Variants in NCKAP5 observed in about 807,000 individuals in gnomAD.
NCKAP5 encodes NCK associated protein 5, also known as nck-associated protein 5.
NCKAP5 carries 92 observed loss-of-function variants against 167.0 expected under a neutral mutation model. The ratio of observed to expected loss-of-function variants is 0.55; its 90% CI spans 0.47 to 0.66. The LOEUF (loss-of-function observed/expected upper bound fraction) is 0.66. NCKAP5 is among the 30% of genes least tolerant of loss of function. The pLI, the probability that NCKAP5 is intolerant of heterozygous loss-of-function variation, is 0.00. For missense variants in NCKAP5, 2,378 were observed against 2,315.0 expected (o/e 1.03, Z -0.56); for synonymous variants, 891 against 877.4 (o/e 1.02, Z -0.27).
chr2:133,111,379 A>G lies in NCKAP5; in HGVS notation c.341+18599T>C, dbSNP rs146643189. ...CTAATTACTATAACTGTGCATCTCA[A>G]TGATCAGCCAACAAGCACTACTGAC... On this transcript the variant is annotated intron_variant, in intron 6 of 19. Coordinates refer to ENST00000409261, the MANE Select transcript of NCKAP5 (RefSeq NM_207363.3). Among the ~76,000 whole-genome samples, 241 of 152,340 alleles carry G rather than the reference A, an allele frequency of 1.6e-3. 1 individual carries two copies. The highest frequency in any genetic ancestry group is 6.8e-3 in the Middle Eastern group (2 of 294).
chr2:133,594,404 G>T, the NCKAP5 span, among the ~76,000 whole-genome samples: 4 of 152,084 alleles, frequency 2.6e-5, no homozygotes, highest in Non-Finnish European at 5.9e-5. Context: ...GCCACCATGA[G>T]GATACACAGC....
intron 3 of NCKAP5, among the ~76,000 whole-genome samples, chr2:133,465,306 A>AT (rs992131231): frequency 2.0e-5 from 3 of 151,688 alleles, no homozygotes; most frequent in African/African-American, 7.3e-5. Flanking sequence ...ATGATTTCCC[A>AT]TTTTATCCAT....
chr2:133,226,685 C>A (rs1390319159), intron 4 of NCKAP5, among the ~76,000 whole-genome samples: 1 of 149,988 alleles, frequency 6.7e-6, no homozygotes, highest in African/African-American at 2.5e-5. Flanking sequence ...TGAGGTGACA[C>A]TTCTACAAGC....
chr2:133,061,202 G>C (rs2079989127), intron 6 of NCKAP5, among the ~76,000 whole-genome samples: 1 of 152,168 alleles, frequency 6.6e-6, no homozygotes, highest in Non-Finnish European at 1.5e-5. Context: ...AGAATTTAGA[G>C]TATTACATAA....
chr2:132,810,072 G>A (rs1162325424), intron 11 of NCKAP5, among the ~76,000 whole-genome samples: 1 of 152,130 alleles, frequency 6.6e-6, no homozygotes, highest in Non-Finnish European at 1.5e-5. Flanking sequence ...CAAAATTCTT[G>A]GCTGATAATT....
chr2:132,900,080 A>G (rs1693501061), intron 8 of NCKAP5, among the ~76,000 whole-genome samples: 1 of 152,214 alleles, frequency 6.6e-6, no homozygotes, highest in Admixed American at 6.6e-5. Flanking sequence ...CTCAGAACAC[A>G]TGCAACAGGT....
chr2:132,889,719 C>T (rs986217844), intron 8 of NCKAP5, among the ~76,000 whole-genome samples: 1 of 152,136 alleles, frequency 6.6e-6, no homozygotes, highest in African/African-American at 2.4e-5. Context: ...TCAAAAAGCA[C>T]ATTATTCAAC....
chr2:132,736,825 A>C (rs1041736671), intron 16 of NCKAP5, among the ~76,000 whole-genome samples: 4 of 151,972 alleles, frequency 2.6e-5, no homozygotes, highest in South Asian at 2.1e-4. Context: ...AACAAAAAAA[A>C]CCCCACAAAT....
intron 4 of NCKAP5, among the ~76,000 whole-genome samples, chr2:133,285,515 T>C (rs2150487614): frequency 6.6e-6 from 1 of 151,340 alleles, no homozygotes; most frequent in Middle Eastern, 3.4e-3. Flanking sequence ...AATAAACTTC[T>C]CAGGGATTTG....
chr2:132,982,234 T>C (rs2077163139), intron 7 of NCKAP5, among the ~76,000 whole-genome samples: 1 of 152,202 alleles, frequency 6.6e-6, no homozygotes, highest in African/African-American at 2.4e-5. Context: ...TAAATGAAAT[T>C]ATGTCTAAGG....
chr2:133,405,515 C>T lies in NCKAP5; in HGVS notation c.70-102405G>A, dbSNP rs554755632. The stretch of plus-strand genomic sequence containing the variant: ...ATAGTAAGCAAGTGAAACCAGAAGG[C>T]GGGGCATTGTCTTGTTCAATCTCAA... On this transcript the variant is annotated intron_variant, in intron 3 of 19. Coordinates refer to ENST00000409261, the MANE Select transcript of NCKAP5 (RefSeq NM_207363.3). Among the ~76,000 whole-genome samples the T allele has an allele frequency of 4.6e-5, 7 of 152,210 alleles. No individual in the cohort carries two copies. In the South Asian group the frequency reaches 8.3e-4, roughly 18 times the overall value.
intron 3 of NCKAP5, among the ~76,000 whole-genome samples, chr2:133,354,600 C>T (rs530354368): frequency 6.6e-6 from 1 of 152,316 alleles, no homozygotes; most frequent in Non-Finnish European, 1.5e-5. Context: ...TAACATCACC[C>T]AACTTATTAA....
At chr2:133,140,761 ATAAG>A (rs910101774) in intron 5 of NCKAP5, among the ~76,000 whole-genome samples, 4 of 148,948 alleles carry the variant, frequency 2.7e-5, no homozygotes, top group Non-Finnish European at 4.5e-5. Context: ...TATATTATAT[ATAAG>A]TAAGCTTGTT....
Position 132,672,072 on chromosome 2 carries a change from C to A in NCKAP5, c.*1217G>T, listed in dbSNP as rs1683816008. ...TCACATCTAGAAAAAATACACATAA[C>A]CTTTAAAATAGAATTTATCCTTACA... On this transcript the variant is annotated 3_prime_UTR_variant, in exon 20 of 20. Coordinates refer to ENST00000409261, the MANE Select transcript of NCKAP5 (RefSeq NM_207363.3). 1 of 152,358 alleles carries A rather than the reference C, an allele frequency of 6.6e-6. No individual in the cohort carries two copies. 9.4% of individuals were successfully genotyped at this position (152,358 alleles called of 1,614,324 possible). A position where few individuals can be genotyped will look rare whatever the true frequency, so the allele number is the denominator to read the frequency against.
At position 132,785,628 on chromosome 2, in the gene NCKAP5, G is replaced by A. The variant is rs763642247; in HGVS notation, c.1183C>T (p.Arg395Cys). 5.8e-6 allele frequency: 9 copies of A among 1,552,732 alleles called. No homozygotes were observed. The highest frequency in any genetic ancestry group is 4.5e-5 in the East Asian group (2 of 44,434). Reference protein sequence around the residue: ...ASPTNELPPTRIKESHILEGL... With the variant: ...ASPTNELPPTCIKESHILEGL... Reference sequence around the variant, plus strand: ...TCCAAAATGTGGCTTTCCTTGATACGAGTTGGAGGTAGTTCATTTGTAGGA... The same window carrying A: ...TCCAAAATGTGGCTTTCCTTGATACAAGTTGGAGGTAGTTCATTTGTAGGA... Residue 395 changes from arginine to cysteine, a missense_variant, in exon 14 of 20, where the codon CGT (arginine) becomes TGT (cysteine). Coordinates refer to ENST00000409261, the MANE Select transcript of NCKAP5 (RefSeq NM_207363.3).
intron 12 of NCKAP5, among the ~76,000 whole-genome samples, chr2:132,794,560 A>G (rs1256574378): frequency 6.6e-6 from 1 of 151,222 alleles, no homozygotes; most frequent in Non-Finnish European, 1.5e-5. Flanking sequence ...TGCTTGAATC[A>G]GGGAGGTGGA....
chr2:133,556,700 T>C (rs1687764871), intron 2 of NCKAP5: 1 of 152,238 alleles, frequency 6.6e-6, no homozygotes, highest in Admixed American at 6.5e-5. Context: ...TTAATGCTAA[T>C]GTATTCAGTG....
At position 132,782,895 on chromosome 2, in the gene NCKAP5, C is replaced by T. The variant is rs138188992; in HGVS notation, c.3916G>A (p.Ala1306Thr). Residue 1306 changes from alanine (A) to threonine (T), a missense_variant, in exon 14 of 20, where the codon GCC becomes ACC. Physicochemically the swap from Ala to Thr is moderately conservative, Grantham distance 58. Transcript: ENST00000409261. ...CGGGTAAGAGAATTGCCTCTCTCGG[C>T]GGTATTGGTAATGATCTGAGTGCGG... ...KVRTQIITNTAERGNSLTRQN... is the reference protein window; with the variant it reads ...KVRTQIITNTTERGNSLTRQN... 541 of 1,613,888 alleles carry T rather than the reference C, an allele frequency of 3.4e-4. 5 individuals are homozygous for T. In the East Asian group the frequency reaches 0.011, roughly 32 times the overall value.
intron 3 of NCKAP5, among the ~76,000 whole-genome samples, chr2:133,458,130 C>G (rs1385252950): frequency 6.6e-6 from 1 of 152,156 alleles, no homozygotes; most frequent in Non-Finnish European, 1.5e-5. Context: ...GAGTTAAAGA[C>G]AAACTTTATT....
Sources: allele counts gnomAD v4.1 joint callset (sites outside exome capture counted in the v4.1 genomes callset), GRCh38; gene constraint gnomAD v4.1.1; transcripts MANE v1.5; gene names NCBI Gene and HGNC (gene_info 2026-07-23, HGNC 2026-07-21).